The following PTPRM variants were observed in gnomAD, a reference collection of about 807,000 sequenced individuals.
PTPRM encodes protein tyrosine phosphatase receptor type M.
PTPRM carries 47 observed loss-of-function variants against 186.7 expected under a neutral mutation model. The ratio of observed to expected loss-of-function variants is 0.25; its 90% CI spans 0.20 to 0.32. The LOEUF (loss-of-function observed/expected upper bound fraction) is 0.32, where lower values mean the gene tolerates loss of function less well. PTPRM is among the 10% of genes least tolerant of loss of function. The probability of loss-of-function intolerance (pLI) is 1.00; values close to 1 mark genes in which losing one functional copy is unlikely to be tolerated. For synonymous variants in PTPRM, 668 were observed against 674.9 expected (o/e 0.99, Z 0.16); for missense variants, 1,494 against 1,865.0 (o/e 0.80, Z 3.66).
intron 30 of PTPRM, 120 bp from the exon 31 acceptor site, chr18:8,386,952 T>C: frequency 9.4e-7 from 1 of 1,069,202 alleles, no homozygotes; most frequent in Non-Finnish European, 1.4e-6. Flanking sequence ...CGTTGGTAAT[T>C]TGTAGGCAGG....
chr18:7,779,843 T>A (rs973057102), intron 2 of PTPRM, among the ~76,000 whole-genome samples: 1 of 152,248 alleles, frequency 6.6e-6, no homozygotes, highest in African/African-American at 2.4e-5. Context: ...ATGCATTGTT[T>A]TAGATGCCTG....
chr18:8,405,672 T>C (rs1231915421), intron 32 of PTPRM, among the ~76,000 whole-genome samples: 1 of 152,164 alleles, frequency 6.6e-6, no homozygotes, highest in Non-Finnish European at 1.5e-5. Context: ...TCCCACAGAC[T>C]GAAAGTCAAA....
intron 2 of PTPRM, among the ~76,000 whole-genome samples, chr18:7,845,040 A>G (rs913976580): frequency 2.6e-5 from 4 of 152,184 alleles, no homozygotes; most frequent in African/African-American, 9.7e-5. Context: ...AATAGACAGG[A>G]TCTATAAGGT....
chr18:8,258,625 A>C (rs1275634574), intron 19 of PTPRM, among the ~76,000 whole-genome samples: 1 of 152,056 alleles, frequency 6.6e-6, no homozygotes, highest in African/African-American at 2.4e-5. Flanking sequence ...CCAAGCAGAA[A>C]GACAACCTTA....
At chr18:8,082,526 C>T (rs1391547986) in intron 9 of PTPRM, among the ~76,000 whole-genome samples, 1 of 147,610 alleles carries the variant, frequency 6.8e-6, no homozygotes, top group Non-Finnish European at 1.5e-5. Flanking sequence ...TCTCACCCTC[C>T]CTCCCTCTCT....
rs1170273620 is a variant in PTPRM at position 7,772,403 on chromosome 18, CTTTCTTTCTTTT to C, written c.74-1745_74-1734del. Among the ~76,000 whole-genome samples, 6 of 97,454 alleles carry C rather than the reference CTTTCTTTCTTTT, an allele frequency of 6.2e-5. No individual in the cohort carries two copies. The East Asian group carries it at 1.4e-3, about 22-fold the overall frequency. The allele number at this position is 97,454 out of a possible 152,430, so 63.9% of individuals were successfully genotyped here. A position where few individuals can be genotyped will look rare whatever the true frequency, so the allele number is the denominator to read the frequency against. On this transcript the variant is annotated intron_variant, in intron 1 of 32. Coordinates refer to ENST00000580170, the MANE Select transcript of PTPRM (RefSeq NM_001105244.2). The stretch of plus-strand genomic sequence containing the variant: ...TCTTTCTTTCTTTCTTTCTTTCTTT[CTTTCTTTCTTTT>C]CTTTCTTTCTCCCTTCCCCTTCCCC...
intron 7 of PTPRM, among the ~76,000 whole-genome samples, chr18:8,069,062 A>T (rs1378431388): frequency 6.7e-6 from 1 of 149,032 alleles, no homozygotes; most frequent in East Asian, 2.0e-4. Flanking sequence ...GTGAGCCAAG[A>T]TCACACCACT....
chr18:8,043,816 G>A (rs1288278148), intron 7 of PTPRM, among the ~76,000 whole-genome samples: 1 of 152,186 alleles, frequency 6.6e-6, no homozygotes, highest in Non-Finnish European at 1.5e-5. Flanking sequence ...GAATGAGGGA[G>A]TAGGAAGGGG....
chr18:7,935,828 A>G (rs1347344841), intron 5 of PTPRM, among the ~76,000 whole-genome samples: 4 of 151,932 alleles, frequency 2.6e-5, no homozygotes, highest in African/African-American at 9.7e-5. Flanking sequence ...CCCACCCTCC[A>G]CCCTAAAGTA....
intron 1 of PTPRM, among the ~76,000 whole-genome samples, chr18:7,695,447 T>C (rs1007712710): frequency 9.9e-5 from 15 of 152,200 alleles, no homozygotes; most frequent in Admixed American, 8.5e-4. Context: ...ATGGGTTTGC[T>C]GGGGATGTTG....
intron 1 of PTPRM, among the ~76,000 whole-genome samples, chr18:7,650,469 T>C (rs371087680): frequency 8.0e-5 from 11 of 137,050 alleles, no homozygotes; most frequent in African/African-American, 3.0e-4. Flanking sequence ...CTGTAATTTA[T>C]TGTGGTTTTG....
intron 7 of PTPRM, among the ~76,000 whole-genome samples, chr18:8,061,548 A>G (rs1202181386): frequency 5.9e-5 from 5 of 85,162 alleles, no homozygotes; most frequent in African/African-American, 2.1e-4. Flanking sequence ...GTTTCTTCCT[A>G]GTCTCGATGG....
At chr18:7,832,449 A>G (rs2045809818) in intron 2 of PTPRM, among the ~76,000 whole-genome samples, 1 of 135,064 alleles carries the variant, frequency 7.4e-6, no homozygotes, top group Admixed American at 8.4e-5. Context: ...CTATTAAAAT[A>G]TTTTGCCATT....
chr18:7,587,498 A>C (rs945013623), intron 1 of PTPRM, among the ~76,000 whole-genome samples: 6 of 152,028 alleles, frequency 3.9e-5, no homozygotes, highest in African/African-American at 1.4e-4. Flanking sequence ...GAAAGCAAAA[A>C]TTGGGAAACC....
At chr18:8,405,053 A>G (rs1598640377) in intron 32 of PTPRM, 4 of 152,126 alleles carry the variant, frequency 2.6e-5, no homozygotes, top group Admixed American at 2.0e-4. Context: ...ATCCCAGCTA[A>G]TTAGGAGGCT....
intron 1 of PTPRM, among the ~76,000 whole-genome samples, chr18:7,571,622 ATATAT>A (rs2036568556): frequency 6.6e-6 from 1 of 152,248 alleles, no homozygotes; most frequent in Non-Finnish European, 1.5e-5. Flanking sequence ...GGTATTTGAA[ATATAT>A]TAAATGTTAA....
chr18:7,606,096 C>A (rs1313197986), intron 1 of PTPRM, among the ~76,000 whole-genome samples: 11 of 151,938 alleles, frequency 7.2e-5, no homozygotes, highest in Non-Finnish European at 1.5e-5. Context: ...CACTTTGCTA[C>A]CTGTTGTCTT....
At chr18:8,184,002 C>T (rs930459888) in intron 14 of PTPRM, among the ~76,000 whole-genome samples, 3 of 152,146 alleles carry the variant, frequency 2.0e-5, no homozygotes, top group South Asian at 2.1e-4. Flanking sequence ...ATGCTGATCT[C>T]CCAAGATACT....
chr18:7,800,351 A>G (rs907233856), intron 2 of PTPRM, among the ~76,000 whole-genome samples: 1 of 152,142 alleles, frequency 6.6e-6, no homozygotes, highest in African/African-American at 2.4e-5. Flanking sequence ...TTATAAATTC[A>G]TGTTTTTCCT....
Sources: gnomAD v4.1 joint callset for allele counts (sites outside exome capture counted in the v4.1 genomes callset) on GRCh38, gnomAD v4.1.1 for gene constraint, MANE v1.5 for transcripts, NCBI Gene and HGNC (gene_info 2026-07-23, HGNC 2026-07-21) for gene names.